Variants in BNC2 observed in about 807,000 individuals in gnomAD.
BNC2 encodes the protein zinc finger protein basonuclin-2.
Under a neutral mutation model 76.3 loss-of-function variants are expected in BNC2, and 20 were observed. The ratio of observed to expected loss-of-function variants is 0.26; its 90% CI spans 0.18 to 0.38. BNC2 has a LOEUF of 0.38. BNC2 is among the 10% of genes least tolerant of loss of function. The pLI is 1.00. For missense variants in BNC2, 1,382 were observed against 1,399.8 expected (o/e 0.99, Z 0.20); for synonymous variants, 582 against 514.8 (o/e 1.13, Z -1.77).
intron 5 of BNC2, among the ~76,000 whole-genome samples, chr9:16,550,781 T>A (rs1423659584): frequency 6.6e-6 from 1 of 152,166 alleles, no homozygotes; most frequent in African/African-American, 2.4e-5. Context: ...GGTACCAGAT[T>A]GGGGCAAAAC....
chr9:16,689,686 C>T (rs1021920475), intron 3 of BNC2, among the ~76,000 whole-genome samples: 24 of 151,640 alleles, frequency 1.6e-4, no homozygotes, highest in African/African-American at 5.8e-4. Flanking sequence ...AGAAATAAAG[C>T]CCCATCAGAG....
In BNC2 at chr9:16,840,503, A is replaced by G. The variant is rs193021496; in HGVS notation, c.3+30143T>C. 5.0e-3 allele frequency among the ~76,000 whole-genome samples: 756 copies of G among 152,260 alleles called. 7 individuals carry two copies. The highest frequency in any genetic ancestry group is 0.034 in the Middle Eastern group (10 of 294). ...CTGCTCAGAAGTATTTATTCACCCT[A>G]TCACAAGTGTTTTTCCTTTAATGTC... On this transcript the variant is annotated intron_variant, in intron 1 of 6. Transcript: ENST00000380672.
chr9:16,520,585 T>C (rs1234444161), intron 5 of BNC2, among the ~76,000 whole-genome samples: 2 of 152,122 alleles, frequency 1.3e-5, no homozygotes, highest in Non-Finnish European at 2.9e-5. Flanking sequence ...GAGCAAGAGA[T>C]AGGACATTCT....
intron 1 of BNC2, among the ~76,000 whole-genome samples, chr9:16,847,814 G>T (rs774984153): frequency 3.9e-5 from 6 of 152,202 alleles, no homozygotes; most frequent in Non-Finnish European, 7.3e-5. Flanking sequence ...CTACGGAGCA[G>T]CATGTGCGGT....
chr9:16,870,211 G>C (rs571379008), intron 1 of BNC2, among the ~76,000 whole-genome samples: 365 of 152,096 alleles, frequency 2.4e-3, no homozygotes, highest in African/African-American at 8.4e-3. Context: ...AGTTGTAAAA[G>C]TTCCCGTAGG....
At chr9:16,752,759 G>A (rs1426989567) in intron 1 of BNC2, among the ~76,000 whole-genome samples, 2 of 152,140 alleles carry the variant, frequency 1.3e-5, no homozygotes, top group African/African-American at 4.8e-5. Context: ...ACAATAACTT[G>A]CCGTATTTGT....
chr9:16,824,097 A>T (rs566165144), intron 1 of BNC2, among the ~76,000 whole-genome samples: 51 of 152,334 alleles, frequency 3.3e-4, no homozygotes, highest in African/African-American at 1.2e-3. Context: ...GTTAGGAGTG[A>T]TAAGAAACTT....
At chr9:16,439,251 T>C (rs371803320) in intron 5 of BNC2, among the ~76,000 whole-genome samples, 14 of 152,168 alleles carry the variant, frequency 9.2e-5, no homozygotes, top group African/African-American at 1.2e-4. Flanking sequence ...GACAAACACA[T>C]TGTAAAAATT....
intron 1 of BNC2, among the ~76,000 whole-genome samples, chr9:16,798,418 T>A (rs182017065): frequency 6.6e-6 from 1 of 152,138 alleles, no homozygotes; most frequent in East Asian, 1.9e-4. Flanking sequence ...TTTTCACATA[T>A]CCCCACAACT....
intron 3 of BNC2, among the ~76,000 whole-genome samples, chr9:16,643,580 G>A (rs1431629496): frequency 6.6e-6 from 1 of 152,018 alleles, no homozygotes; most frequent in African/African-American, 2.4e-5. Context: ...CTTAGGAGCT[G>A]CACCATATAT....
chr9:16,644,064 T>G (rs534309428), intron 3 of BNC2, among the ~76,000 whole-genome samples: 15 of 152,310 alleles, frequency 9.8e-5, no homozygotes, highest in Non-Finnish European at 2.1e-4. Flanking sequence ...AAGCAGAGAT[T>G]CACAGATTTA....
intron 6 of BNC2, among the ~76,000 whole-genome samples, chr9:16,425,486 G>C (rs187578730): frequency 2.3e-3 from 355 of 152,312 alleles, no homozygotes; most frequent in African/African-American, 8.4e-3. Context: ...CGATTCTCCT[G>C]AGAAGCCATT....
intron 1 of BNC2, among the ~76,000 whole-genome samples, chr9:16,745,008 G>C (rs1165640270): frequency 4.6e-5 from 7 of 152,180 alleles, no homozygotes; most frequent in Non-Finnish European, 1.0e-4. Context: ...TTAAGTGTCA[G>C]AGTTCTGCAG....
intron 1 of BNC2, among the ~76,000 whole-genome samples, chr9:16,839,520 G>A (rs1443578042): frequency 6.6e-6 from 1 of 152,150 alleles, no homozygotes; most frequent in African/African-American, 2.4e-5. Flanking sequence ...TTACCTATCT[G>A]AAAGGACCTA....
At chr9:16,429,176 G>T (rs1820858519) in intron 6 of BNC2, 1 of 152,126 alleles carries the variant, frequency 6.6e-6, no homozygotes, top group Admixed American at 6.5e-5. Flanking sequence ...AATGCTTCAT[G>T]GCTAAACCTT....
chr9:16,735,916 T>A (rs558129687), intron 2 of BNC2, among the ~76,000 whole-genome samples: 1 of 152,028 alleles, frequency 6.6e-6, no homozygotes, highest in African/African-American at 2.4e-5. Context: ...GAAAAGAAGA[T>A]TGAGATTCAC....
At chr9:16,557,172 T>C (rs1818860706) in intron 4 of BNC2, among the ~76,000 whole-genome samples, 1 of 152,118 alleles carries the variant, frequency 6.6e-6, no homozygotes, top group Admixed American at 6.6e-5. Context: ...CCTAACCATC[T>C]GCTGATGTGT....
chr9:16,702,360 T>G (rs1022686588), intron 3 of BNC2, among the ~76,000 whole-genome samples: 1 of 152,140 alleles, frequency 6.6e-6, no homozygotes, highest in African/African-American at 2.4e-5. Context: ...TAGAAAAGAT[T>G]ATACAAAAGT....
At chr9:16,456,855 T>G (rs974533104) in intron 5 of BNC2, among the ~76,000 whole-genome samples, 1 of 152,142 alleles carries the variant, frequency 6.6e-6, no homozygotes, top group South Asian at 2.1e-4. Flanking sequence ...TAACTCTAAT[T>G]TCAGGTAATT....
Sources: gnomAD v4.1 joint callset for allele counts (sites outside exome capture counted in the v4.1 genomes callset) on GRCh38, gnomAD v4.1.1 for gene constraint, MANE v1.5 for transcripts, NCBI Gene and HGNC (gene_info 2026-07-23, HGNC 2026-07-21) for gene names.